The following SCYL2 variants were observed in gnomAD, a reference collection of about 807,000 sequenced individuals.
SCYL2 encodes SCY1-like protein 2.
In SCYL2, 36 loss-of-function variants were observed where a neutral mutation model predicts 100.4. The ratio of observed to expected loss-of-function variants is 0.36; its 90% CI spans 0.27 to 0.47. The LOEUF (loss-of-function observed/expected upper bound fraction) is 0.47, where lower values mean the gene tolerates loss of function less well. Ranked by LOEUF, SCYL2 falls within the 20% of genes least tolerant of loss-of-function variation. The pLI is 1.00. For synonymous variants in SCYL2, 330 were observed against 359.2 expected, an observed-to-expected ratio of 0.92 and a Z score of 0.92; for missense variants, 902 against 1,083.9, an observed-to-expected ratio of 0.83 and a Z score of 2.36.
At chr12:100,299,484 T>C (rs1389612326) in intron 4 of SCYL2, among the ~76,000 whole-genome samples, 6 of 152,164 alleles carry the variant, frequency 3.9e-5, no homozygotes, top group African/African-American at 1.4e-4. Context: ...CCCCAAGAGC[T>C]TCCTCATACT....
At chr12:100,271,260 CAAAAAAAAAAA>C (rs11354103) in intron 1 of SCYL2, among the ~76,000 whole-genome samples, 1 of 83,338 alleles carries the variant, frequency 1.2e-5, no homozygotes, top group Non-Finnish European at 2.3e-5. Context: ...TGCAGAGCAG[CAAAAAAAAAAA>C]AAAAAAAAAA....
rs373944745 is a variant in SCYL2 at position 100,279,030 on chromosome 12, A to G, written c.-28-3913A>G. ...AATCACTGATTTTCAGCTATTTGGT[A>G]TATCTATGTATGGGTTTCTTTGTGT... On this transcript the variant is annotated intron_variant, in intron 1 of 17. Coordinates refer to ENST00000360820, the MANE Select transcript of SCYL2 (RefSeq NM_017988.6). 3.9e-5 allele frequency among the ~76,000 whole-genome samples: 6 copies of G among 152,192 alleles called. No homozygotes were observed. In the East Asian group the frequency reaches 9.7e-4, roughly 25 times the overall value.
In SCYL2 at chr12:100,298,153, A is replaced by C. The variant is rs770293117; in HGVS notation, c.458A>C (p.Glu153Ala). Residue 153 changes from glutamate to alanine, a missense_variant, in exon 4 of 18, where the codon GAA becomes GCA. By Grantham distance (107) the Glu-to-Ala change is moderately radical (BLOSUM62 -1). Coordinates refer to ENST00000360820, the MANE Select transcript of SCYL2 (RefSeq NM_017988.6). The part of the protein sequence containing the change: ...DIKDYKLYDV[E>A]TKYGLLQVSE... ...AAGGATTATAAACTTTATGATGTAG[A>C]AACCAAATATGGTTTGCTTCAGGTA... The C allele has an allele frequency of 6.4e-7, 1 of 1,572,560 alleles. No individual in the cohort carries two copies.
chr12:100,334,962 C>T lies in SCYL2; in HGVS notation c.1863-663C>T, dbSNP rs549286094. Reference sequence around the variant, plus strand: ...TGAACAAGGTCCCCAAGTAGAAACTCTTTAGCTTCTGCCCACAAGATGAAG... The same window carrying T: ...TGAACAAGGTCCCCAAGTAGAAACTTTTTAGCTTCTGCCCACAAGATGAAG... On this transcript the variant is annotated intron_variant, in intron 14 of 17. Transcript: ENST00000360820. 3.2e-3 allele frequency among the ~76,000 whole-genome samples: 490 copies of T among 152,044 alleles called. 2 individuals carry two copies. Among genetic ancestry groups the T allele is most frequent in the Non-Finnish European group, 4.7e-3 (316 of 67,894 alleles).
At chr12:100,281,200 C>T (rs1037036395) in intron 1 of SCYL2, among the ~76,000 whole-genome samples, 6 of 151,498 alleles carry the variant, frequency 4.0e-5, no homozygotes, top group Non-Finnish European at 7.4e-5. Context: ...GGCTAATTTT[C>T]GAATTTTTTG....
intron 4 of SCYL2, among the ~76,000 whole-genome samples, chr12:100,307,453 GA>G (rs1172639129): frequency 2.0e-5 from 3 of 152,146 alleles, no homozygotes; most frequent in African/African-American, 7.2e-5. Flanking sequence ...GCAGAAAACT[GA>G]AACTGGACCC....
At chr12:100,283,544 C>T (rs945030197) in intron 2 of SCYL2, among the ~76,000 whole-genome samples, 11 of 152,096 alleles carry the variant, frequency 7.2e-5, no homozygotes, top group African/African-American at 2.4e-4. Flanking sequence ...AATTTTTCAA[C>T]GTTAAGTGCG....
rs944486201 is a variant in SCYL2 at position 100,339,853 on chromosome 12, T to A, written c.*681T>A. Reference sequence around the variant, plus strand: ...TTTTAGCATGGTCTGCCTCAAATAGTAATGTATTTTTCTGCATTCACTTGG... The same window carrying A: ...TTTTAGCATGGTCTGCCTCAAATAGAAATGTATTTTTCTGCATTCACTTGG... On this transcript the variant is annotated 3_prime_UTR_variant, in exon 18 of 18. Coordinates refer to ENST00000360820, the MANE Select transcript of SCYL2 (RefSeq NM_017988.6). 6.6e-6 allele frequency: 1 copy of A among 152,520 alleles called. No individual in the cohort carries two copies. The highest frequency in any genetic ancestry group is 2.4e-5 in the African/African-American group (1 of 41,452). 9.4% of individuals were successfully genotyped at this position (152,520 alleles called of 1,614,324 possible). A position where few individuals can be genotyped will look rare whatever the true frequency, so the allele number is the denominator to read the frequency against.
Position 100,292,280 on chromosome 12 carries a change from T to C in SCYL2, c.335+620T>C, listed in dbSNP as rs150868924. Among the ~76,000 whole-genome samples, 254 of 152,360 alleles carry C rather than the reference T, an allele frequency of 1.7e-3. 1 individual carries two copies. Among genetic ancestry groups the C allele is most frequent in the Admixed American group, 3.1e-3 (48 of 15,308 alleles). On this transcript the variant is annotated intron_variant, in intron 3 of 17. Coordinates refer to ENST00000360820, the MANE Select transcript of SCYL2 (RefSeq NM_017988.6). ...CGACATTACTTATAACCCAAATTTA[T>C]GCTTTTCTTCCTTCTTTCTCAGCAG...
Position 100,340,101 on chromosome 12 carries a change from G to C in SCYL2, c.*929G>C, listed in dbSNP as rs1323897040. 2.6e-5 allele frequency: 4 copies of C among 152,576 alleles called. No individual in the cohort carries two copies. The highest frequency in any genetic ancestry group is 5.9e-5 in the Non-Finnish European group (4 of 67,982). The allele number at this position is 152,576 out of a possible 1,614,324, so 9.5% of individuals were successfully genotyped here. A position where few individuals can be genotyped will look rare whatever the true frequency, so the allele number is the denominator to read the frequency against. ...TGAGTAAACTTTTGAGGTTTCTGCT[G>C]TATTGTTTCAAATGTAATAAACTTT... On this transcript the variant is annotated 3_prime_UTR_variant, in exon 18 of 18. Transcript: ENST00000360820.
At chr12:100,333,078 ATT>A (rs1418413348) in intron 13 of SCYL2, among the ~76,000 whole-genome samples, 4 of 143,076 alleles carry the variant, frequency 2.8e-5, no homozygotes, top group Non-Finnish European at 3.1e-5. Flanking sequence ...TGAATTGTGA[ATT>A]TTTTTTTTTT....
intron 10 of SCYL2, among the ~76,000 whole-genome samples, chr12:100,318,634 G>A (rs575902247): frequency 2.0e-5 from 3 of 152,158 alleles, no homozygotes; most frequent in East Asian, 1.9e-4. Flanking sequence ...GCGTGGCCAC[G>A]TGTGCCTTTT....
At position 100,334,285 on chromosome 12, in the gene SCYL2, A is replaced by T; in HGVS notation, c.1862+19A>T. On this transcript the variant is annotated intron_variant, in intron 14 of 17. Coordinates refer to ENST00000360820, the MANE Select transcript of SCYL2 (RefSeq NM_017988.6). The stretch of plus-strand genomic sequence containing the variant: ...AGCAGAAGTAAGTAGGTTGCACATG[A>T]ATTATATGTGGTCCGGGAGTGAAAT... 1 of 1,322,754 alleles carries T rather than the reference A, an allele frequency of 7.6e-7. No homozygotes were observed. Among genetic ancestry groups the T allele is most frequent in the Non-Finnish European group, 1.1e-6 (1 of 922,160 alleles). The allele number at this position is 1,322,754 out of a possible 1,614,324, so 81.9% of individuals were successfully genotyped here.
rs545453904 is a variant in SCYL2, at chr12:100,296,726, T to G, written c.336-1305T>G. ...AAGGGACCTAGCAGAGAAGACACTATGTAAGTCTATAAGACAGTTTTTTTT... is the reference window on the plus strand; with the variant it reads ...AAGGGACCTAGCAGAGAAGACACTAGGTAAGTCTATAAGACAGTTTTTTTT... On this transcript the variant is annotated intron_variant, in intron 3 of 17. Coordinates refer to ENST00000360820, the MANE Select transcript of SCYL2 (RefSeq NM_017988.6). The G allele has an allele frequency of 2.0e-5, 3 of 152,084 alleles. No homozygotes were observed. The South Asian group carries it at 6.2e-4, about 32-fold the overall frequency. 9.4% of individuals were successfully genotyped at this position (152,084 alleles called of 1,614,324 possible).
intron 2 of SCYL2, among the ~76,000 whole-genome samples, chr12:100,291,036 G>A (rs2096309959): frequency 6.6e-6 from 1 of 152,136 alleles, no homozygotes. Context: ...GTATGAGATA[G>A]AATATAGATT....
rs1952338576 is a variant in SCYL2, at chr12:100,340,430, C to G, written c.*1258C>G. On this transcript the variant is annotated 3_prime_UTR_variant, in exon 18 of 18. Transcript: ENST00000360820. Reference sequence around the variant, plus strand: ...CATTTGTATTTTAAAAAATAATATTCCACTCATAAAACTTTAAAACCATCT... The same window carrying G: ...CATTTGTATTTTAAAAAATAATATTGCACTCATAAAACTTTAAAACCATCT... 1 of 151,972 alleles carries G rather than the reference C, an allele frequency of 6.6e-6. No homozygotes were observed. The highest frequency in any genetic ancestry group is 6.6e-5 in the Admixed American group (1 of 15,262). 9.4% of individuals were successfully genotyped at this position (151,972 alleles called of 1,614,324 possible).
chr12:100,288,694 G>A (rs2076803510), intron 2 of SCYL2, among the ~76,000 whole-genome samples: 1 of 151,822 alleles, frequency 6.6e-6, no homozygotes, highest in Admixed American at 6.6e-5. Flanking sequence ...AAAATTTGCT[G>A]GGCATGGTGG....
chr12:100,334,759 A>G (rs894809003), intron 14 of SCYL2, among the ~76,000 whole-genome samples: 1 of 152,076 alleles, frequency 6.6e-6, no homozygotes, highest in African/African-American at 2.4e-5. Context: ...TTATTTGCAG[A>G]AAACTAGTAT....
At chr12:100,322,860 CAAAA>C (rs138492576) in intron 10 of SCYL2, among the ~76,000 whole-genome samples, 6 of 78,904 alleles carry the variant, frequency 7.6e-5, no homozygotes, top group Non-Finnish European at 8.1e-5. Context: ...AACTCCGTCT[CAAAA>C]AAAAAAAAAA....
Sources: allele counts gnomAD v4.1 joint callset (sites outside exome capture counted in the v4.1 genomes callset), GRCh38; gene constraint gnomAD v4.1.1; transcripts MANE v1.5; gene names NCBI Gene and HGNC (gene_info 2026-07-23, HGNC 2026-07-21).